The following PPL variants were observed in gnomAD, a reference collection of about 807,000 sequenced individuals.
PPL encodes periplakin.
Under a neutral mutation model 194.4 loss-of-function variants are expected in PPL, and 198 were observed. The observed-to-expected ratio is 1.02, with a 90% CI of 0.91 to 1.15. The LOEUF is 1.15. Among genes scored for constraint, PPL ranks in the 50% most tolerant of loss-of-function variants. The pLI is 0.00. For synonymous variants in PPL, 1,220 were observed against 972.4 expected, an observed-to-expected ratio of 1.25 and a Z score of -4.74; for missense variants, 2,885 against 2,294.8, an observed-to-expected ratio of 1.26 and a Z score of -5.25.
intron 1 of PPL, among the ~76,000 whole-genome samples, chr16:4,932,287 G>T (rs2089234730): frequency 6.6e-6 from 1 of 152,174 alleles, no homozygotes; most frequent in Non-Finnish European, 1.5e-5. Flanking sequence ...TCTCTAAGCT[G>T]TTACCCACAT....
intron 17 of PPL, among the ~76,000 whole-genome samples, 179 bp downstream of exon 17, chr16:4,890,549 G>T (rs140418096): frequency 1.3e-3 from 193 of 152,320 alleles, no homozygotes; most frequent in African/African-American, 4.3e-3. Flanking sequence ...GCCCATTGTG[G>T]ATTACAGGAC....
chr16:4,894,193 G>A (rs1269136643), intron 12 of PPL, among the ~76,000 whole-genome samples: 1 of 152,214 alleles, frequency 6.6e-6, no homozygotes, highest in African/African-American at 2.4e-5. Context: ...AGTACAGGGA[G>A]CAGTGCGTGC....
intron 9 of PPL, 67 bp from the exon 10 acceptor site, chr16:4,895,783 C>CT: frequency 6.2e-7 from 1 of 1,606,794 alleles, no homozygotes; most frequent in South Asian, 1.1e-5. Flanking sequence ...CTGTCGGAGG[C>CT]TTCAAGCTCA....
intron 1 of PPL, among the ~76,000 whole-genome samples, chr16:4,919,369 G>C (rs1461389359): frequency 2.6e-5 from 4 of 152,172 alleles, no homozygotes; most frequent in African/African-American, 9.7e-5. Context: ...CCAGCAATGT[G>C]ACCCTGTGAC....
intron 1 of PPL, among the ~76,000 whole-genome samples, chr16:4,921,206 G>A (rs1202554098): frequency 6.6e-6 from 1 of 152,224 alleles, no homozygotes; most frequent in Non-Finnish European, 1.5e-5. Flanking sequence ...ATGCAAGCAA[G>A]GAAAAATGGA....
intron 19 of PPL, among the ~76,000 whole-genome samples, chr16:4,888,485 T>G (rs2088254967): frequency 1.3e-5 from 2 of 152,204 alleles, no homozygotes; most frequent in African/African-American, 4.8e-5. Flanking sequence ...CCTTTCTACA[T>G]GCCTAGAGAT....
chr16:4,888,380 A>C (rs1324398858), intron 19 of PPL, among the ~76,000 whole-genome samples, 162 bp from the exon 20 acceptor site: 1 of 152,190 alleles, frequency 6.6e-6, no homozygotes, highest in Non-Finnish European at 1.5e-5. Context: ...AGTGATTTCC[A>C]GGAGGTTTTG....
At chr16:4,910,423 G>T (rs1365455733) in intron 2 of PPL, among the ~76,000 whole-genome samples, 1 of 152,186 alleles carries the variant, frequency 6.6e-6, no homozygotes, top group Non-Finnish European at 1.5e-5. Context: ...GAGGTGGGAT[G>T]GCTCACTTGT....
intron 8 of PPL, among the ~76,000 whole-genome samples, chr16:4,898,612 C>T (rs774844054): frequency 6.6e-6 from 1 of 152,144 alleles, no homozygotes; most frequent in African/African-American, 2.4e-5. Context: ...TGGCAACCCC[C>T]AGAAGCCGGA....
chr16:4,910,927 C>A lies in PPL; in HGVS notation c.85G>T (p.Glu29Ter). ...TTCTTCTGCAGCTGCTCGATCAGCT[C>A]CGAGAGCTCCTTGTTAGAGATGCTG... ...TRSISNKELS[E>*]LIEQLQKNAD... The change falls in exon 2 of 22, where the codon GAG becomes TAG. Residue 29 changes from glutamate (E) to a stop codon, truncating the protein, a stop_gained. Coordinates refer to ENST00000345988, the MANE Select transcript of PPL (RefSeq NM_002705.5). LOFTEE classifies it high-confidence loss of function. The A allele has an allele frequency of 6.2e-7, 1 of 1,613,178 alleles. No homozygotes were observed. The highest frequency in any genetic ancestry group is 1.1e-5 in the South Asian group (1 of 91,080).
intron 2 of PPL, among the ~76,000 whole-genome samples, chr16:4,905,205 A>C (rs987758595): frequency 1.2e-4 from 19 of 152,130 alleles, no homozygotes; most frequent in Admixed American, 9.8e-4. Flanking sequence ...CATCTCTATA[A>C]TGGGCATAAG....
Position 4,892,020 on chromosome 16 carries a change from CTG to C in PPL, c.1829+13_1829+14del, listed in dbSNP as rs749935323. 5 of 1,611,944 alleles carry C rather than the reference CTG, an allele frequency of 3.1e-6. No homozygotes were observed. The highest frequency in any genetic ancestry group is 4.2e-6 in the Non-Finnish European group (5 of 1,178,810). On this transcript the variant is annotated intron_variant, in intron 15 of 21. Coordinates refer to ENST00000345988, the MANE Select transcript of PPL (RefSeq NM_002705.5). ...GACCCCACCCCAACCTCCATGCTGC[CTG>C]TCTGCCACCCACTTCTCCTGGGCCA...
chr16:4,890,372 A>T (rs1215642417), intron 17 of PPL, 38 bp from the exon 18 acceptor site: 1 of 1,550,690 alleles, frequency 6.4e-7, no homozygotes, highest in Non-Finnish European at 8.7e-7. Flanking sequence ...GCCACAGCAA[A>T]CAGATGCCTC....
intron 16 of PPL, chr16:4,891,531 A>G: frequency 3.0e-6 from 1 of 335,720 alleles, no homozygotes. Context: ...ATCCTGCCCC[A>G]GCCTCCTGAA....
At chr16:4,896,280 C>A (rs1283749778) in intron 9 of PPL, among the ~76,000 whole-genome samples, 1 of 152,120 alleles carries the variant, frequency 6.6e-6, no homozygotes, top group Admixed American at 6.6e-5. Flanking sequence ...ACACCTCAAT[C>A]CTAAGAATTA....
intron 1 of PPL, among the ~76,000 whole-genome samples, chr16:4,925,368 G>A (rs1222543406): frequency 4.0e-5 from 6 of 151,410 alleles, no homozygotes; most frequent in East Asian, 4.0e-4. Context: ...GGACACTCAG[G>A]AAATAACTGA....
intron 1 of PPL, among the ~76,000 whole-genome samples, chr16:4,923,957 G>A (rs931218533): frequency 3.9e-5 from 6 of 152,132 alleles, no homozygotes; most frequent in Non-Finnish European, 8.8e-5. Context: ...CTGGCTTTTG[G>A]AATAACAGCA....
At chr16:4,923,671 C>T (rs60135192) in intron 1 of PPL, among the ~76,000 whole-genome samples, 2,353 of 152,294 alleles carry the variant, frequency 0.015, 63 homozygotes, top group African/African-American at 0.053. Context: ...GGCTCTAACC[C>T]AGGTGTGGGC....
At chr16:4,925,330 C>T (rs1015931162) in intron 1 of PPL, among the ~76,000 whole-genome samples, 7 of 152,204 alleles carry the variant, frequency 4.6e-5, no homozygotes, top group African/African-American at 1.7e-4. Context: ...AACATCTGCC[C>T]TGGCTCTGAC....
Sources: allele counts gnomAD v4.1 joint callset (sites outside exome capture counted in the v4.1 genomes callset), GRCh38; gene constraint gnomAD v4.1.1; transcripts MANE v1.5; gene names NCBI Gene and HGNC (gene_info 2026-07-23, HGNC 2026-07-21).